ZNF558: variants seen among roughly 807,000 people sequenced by gnomAD.
The protein encoded by ZNF558 is zinc finger protein 558.
Under a neutral mutation model 37.6 loss-of-function variants are expected in ZNF558, and 23 were observed. The ratio of observed to expected loss-of-function variants is 0.61; its 90% CI spans 0.44 to 0.87. ZNF558 has a LOEUF of 0.87. Among genes scored for constraint, ZNF558 ranks in the 40% least tolerant of loss-of-function variants. ZNF558 has a pLI of 0.00. For synonymous variants in ZNF558, 189 were observed against 174.4 expected, an observed-to-expected ratio of 1.08 and a Z score of -0.66; for missense variants, 429 against 483.7, an observed-to-expected ratio of 0.89 and a Z score of 1.06.
chr19:8,811,705 T>C lies in ZNF558; in HGVS notation c.785A>G (p.Asn262Ser), dbSNP rs1555768129. The change falls in exon 10 of 10, where the codon AAT (asparagine) becomes AGT (serine). Residue 262 changes from asparagine to serine, a missense_variant. By Grantham distance (46) the Asn-to-Ser change is conservative. Coordinates refer to ENST00000601372, the MANE Select transcript of ZNF558 (RefSeq NM_144693.3). ...KSHKRIHTGE[N>S]HHECNQCGKA... is the part of the protein sequence containing the mutation. The stretch of plus-strand genomic sequence containing the variant: ...TCCACACTGATTACATTCATGGTGA[T>C]TCTCCCCCGTGTGAATCCTCTTGTG... 1.2e-6 allele frequency: 2 copies of C among 1,614,136 alleles called. No individual in the cohort carries two copies. The highest frequency in any genetic ancestry group is 1.7e-6 in the Non-Finnish European group (2 of 1,180,020).
At chr19:8,814,957 A>G (rs2043895336) in intron 7 of ZNF558, among the ~76,000 whole-genome samples, 1 of 152,212 alleles carries the variant, frequency 6.6e-6, no homozygotes, top group African/African-American at 2.4e-5. Flanking sequence ...GAACTGTTGT[A>G]TGTTCTATAG....
Position 8,810,630 on chromosome 19 carries a change from G to A in ZNF558, c.*651C>T, listed in dbSNP as rs2043761566. 1 of 152,244 alleles carries A rather than the reference G, an allele frequency of 6.6e-6. No homozygotes were observed. The highest frequency in any genetic ancestry group is 1.5e-5 in the Non-Finnish European group (1 of 68,080). 9.4% of individuals were successfully genotyped at this position (152,244 alleles called of 1,614,324 possible). A position where few individuals can be genotyped will look rare whatever the true frequency, so the allele number is the denominator to read the frequency against. ...TATTTCATATTGATTAGAGTAGAAG[G>A]ATGATGTGCTGAGGGCTTTTCTTCA... is the stretch of plus-strand genomic sequence containing the variant. On this transcript the variant is annotated 3_prime_UTR_variant, in exon 10 of 10. Transcript: ENST00000601372.
rs1476800557 is a variant in ZNF558, at chr19:8,809,099, A to AT, written c.*2181dup. The AT allele has an allele frequency of 6.6e-6, 1 of 152,238 alleles. No individual in the cohort carries two copies. The highest frequency in any genetic ancestry group is 1.5e-5 in the Non-Finnish European group (1 of 68,060). 9.4% of individuals were successfully genotyped at this position (152,238 alleles called of 1,614,324 possible). On this transcript the variant is annotated 3_prime_UTR_variant, in exon 10 of 10. Transcript: ENST00000601372. ...CAGCCTAGGGGTTTCTTTTAGTCAC[A>AT]TAAGAAGTATAAGAATAAGGAGTCC...
At chr19:8,835,556 T>G (rs2044446519), upstream of ZNF558, among the ~76,000 whole-genome samples, 1 of 152,186 alleles carries the variant, frequency 6.6e-6, no homozygotes, top group African/African-American at 2.4e-5. Flanking sequence ...AAGGAGAAAT[T>G]GGAATTCTTA....
Position 8,811,559 on chromosome 19 carries a change from C to A in ZNF558, c.931G>T (p.Val311Leu). The change falls in exon 10 of 10, where the codon GTA (valine) becomes TTA (leucine). Residue 311 changes from valine to leucine, a missense_variant. By Grantham distance (32) the Val-to-Leu change is conservative. Coordinates refer to ENST00000601372, the MANE Select transcript of ZNF558 (RefSeq NM_144693.3). ...GGTTTTTCTCCAGTATGAGTTCTTA[C>A]GTGCTGTGTCAGATAGGAGCTCTTC... ...FRKSSYLTQH[V>L]RTHTGEKPYE... 1 of 1,613,870 alleles carries A rather than the reference C, an allele frequency of 6.2e-7. No individual in the cohort carries two copies. Among genetic ancestry groups the A allele is most frequent in the Non-Finnish European group, 8.5e-7 (1 of 1,179,950 alleles).
Position 8,811,449 on chromosome 19 carries a change from G to A in ZNF558, c.1041C>T (p.Pro347=). 5 of 1,614,038 alleles carry A rather than the reference G, an allele frequency of 3.1e-6. No homozygotes were observed. Among genetic ancestry groups the A allele is most frequent in the Non-Finnish European group, 4.2e-6 (5 of 1,179,992 alleles). The change falls in exon 10 of 10, where the codon CCC becomes CCT. Residue 347 remains proline, a synonymous_variant. Coordinates refer to ENST00000601372, the MANE Select transcript of ZNF558 (RefSeq NM_144693.3). The part of the protein sequence containing the change: ...VHKRIHTGEK[P]YECSDCGKAF... ...CTTTTCCACAGTCACTGCACTCGTA[G>A]GGTTTCTCTCCGGTATGTATTCTCT...
At chr19:8,813,257 C>T (rs1329202380) in intron 7 of ZNF558, 35 bp from the exon 8 acceptor site, 9 of 1,521,158 alleles carry the variant, frequency 5.9e-6, no homozygotes, top group Non-Finnish European at 8.1e-6. Context: ...ATATAGGTAA[C>T]AGTGCTGGGG....
intron 7 of ZNF558, among the ~76,000 whole-genome samples, chr19:8,816,917 A>C (rs796325921): frequency 7.2e-5 from 11 of 152,252 alleles, no homozygotes; most frequent in African/African-American, 2.7e-4. Context: ...ACAGTGAAAC[A>C]AAGTTTTTAT....
chr19:8,821,416 G>A (rs2910347), intron 6 of ZNF558, 110 bp from the exon 7 acceptor site: 1,093,147 of 1,599,500 alleles, frequency 0.68, 376,652 homozygotes, highest in South Asian at 0.79. Flanking sequence ...AGCACGAGAT[G>A]TTGGGGGGGG....
intron 8 of ZNF558, among the ~76,000 whole-genome samples, 179 bp from the exon 9 acceptor site, chr19:8,812,822 A>G (rs540714179): frequency 6.6e-6 from 1 of 152,350 alleles, no homozygotes; most frequent in Non-Finnish European, 1.5e-5. Context: ...ATTGAGATTG[A>G]TCACAGATTG....
chr19:8,815,391 A>G (rs548644806), intron 7 of ZNF558, among the ~76,000 whole-genome samples: 7 of 152,240 alleles, frequency 4.6e-5, no homozygotes, highest in Non-Finnish European at 7.3e-5. Flanking sequence ...AAAGTACAAT[A>G]GCTGAAATGA....
chr19:8,824,443 G>C (rs568544815), intron 3 of ZNF558, 26 bp from the exon 4 acceptor site: 1 of 152,174 alleles, frequency 6.6e-6, no homozygotes, highest in African/African-American at 2.4e-5. Context: ...AGTGAGAGAC[G>C]ATACATGGTC....
At chr19:8,814,322 G>A (rs781938693) in intron 7 of ZNF558, among the ~76,000 whole-genome samples, 15 of 152,112 alleles carry the variant, frequency 9.9e-5, no homozygotes, top group Admixed American at 2.0e-4. Context: ...GGCTCAAAGG[G>A]TTGTCTTTAT....
In ZNF558 at chr19:8,822,958, A is replaced by C; in HGVS notation, c.-65-234T>G. On this transcript the variant is annotated intron_variant, in intron 4 of 9. Transcript: ENST00000601372. This position sits in a 1 kb window ranked among gnomAD's most constrained non-coding sequence, Gnocchi z 4.4. ...CCTCCCTGACCCACCCGCTTTGAGA[A>C]CCTCGGCTTCACGCAGTCTCACGGC... 1 of 433,040 alleles carries C rather than the reference A, an allele frequency of 2.3e-6. No homozygotes were observed. Among genetic ancestry groups the C allele is most frequent in the Non-Finnish European group, 4.3e-6 (1 of 233,366 alleles). The allele number at this position is 433,040 out of a possible 1,614,324, so 26.8% of individuals were successfully genotyped here.
chr19:8,819,331 C>A (rs1286566884), intron 7 of ZNF558, among the ~76,000 whole-genome samples: 3 of 152,118 alleles, frequency 2.0e-5, no homozygotes, highest in Non-Finnish European at 4.4e-5. Flanking sequence ...CAGGCACCTG[C>A]CACCACGCCT....
intron 2 of ZNF558, among the ~76,000 whole-genome samples, chr19:8,826,642 C>G (rs967858053): frequency 3.3e-5 from 5 of 152,118 alleles, no homozygotes. Context: ...ACCTGCCACT[C>G]ACATCTTGCT....
In ZNF558 at chr19:8,811,680, T is replaced by C. The variant is rs1555768106; in HGVS notation, c.810A>G (p.Gly270=). 1 of 1,614,206 alleles carries C rather than the reference T, an allele frequency of 6.2e-7. No individual in the cohort carries two copies. The highest frequency in any genetic ancestry group is 1.7e-5 in the Admixed American group (1 of 60,024). Residue 270 remains glycine, a synonymous_variant, in exon 10 of 10, where the codon GGA becomes GGG. Coordinates refer to ENST00000601372, the MANE Select transcript of ZNF558 (RefSeq NM_144693.3). ...GAGAGGACCTTGTGCTGAAAGCTTT[T>C]CCACACTGATTACATTCATGGTGAT... ...GENHHECNQC[G]KAFSTRSSLT... is the part of the protein sequence containing the mutation.
At chr19:8,819,539 G>A (rs1038821701) in intron 7 of ZNF558, among the ~76,000 whole-genome samples, 2 of 152,122 alleles carry the variant, frequency 1.3e-5, no homozygotes, top group African/African-American at 2.4e-5. Flanking sequence ...GACACCCAAA[G>A]AATAGAGAAA....
Position 8,822,014 on chromosome 19 carries a change from T to C in ZNF558, c.109A>G (p.Ser37Gly). The C allele has an allele frequency of 6.2e-7, 1 of 1,614,056 alleles. No individual in the cohort carries two copies. ...AACATCTGACTCACCCGTAGCCAGC[T>C]TGTCAGGAGCTCATTAACCAGCTCT... ...GGELVNELLT[S>G]WLRGLVTFED... Residue 37 changes from serine (S) to glycine (G), a missense_variant, in exon 6 of 10, where the codon AGC (serine) becomes GGC (glycine). Coordinates refer to ENST00000601372, the MANE Select transcript of ZNF558 (RefSeq NM_144693.3). This position sits in a 1 kb window ranked among gnomAD's most constrained non-coding sequence, Gnocchi z 4.4.
Sources: gnomAD v4.1 joint callset for allele counts (sites outside exome capture counted in the v4.1 genomes callset) on GRCh38, gnomAD v4.1.1 for gene constraint, Gnocchi (gnomAD v3.1) non-coding constraint, MANE v1.5 for transcripts, NCBI Gene and HGNC (gene_info 2026-07-23, HGNC 2026-07-21) for gene names.